PRIMA1: variants seen among roughly 807,000 people sequenced by gnomAD.
PRIMA1 encodes proline rich membrane anchor 1.
PRIMA1 carries 7 observed loss-of-function variants against 17.5 expected under a neutral mutation model. The observed-to-expected ratio is 0.40, with a 90% CI of 0.23 to 0.75. The LOEUF (loss-of-function observed/expected upper bound fraction) is 0.75, where lower values mean the gene tolerates loss of function less well. Ranked by LOEUF, PRIMA1 falls within the 30% of genes least tolerant of loss-of-function variation. PRIMA1 has a pLI of 0.37. For missense variants in PRIMA1, 200 were observed against 201.8 expected, an observed-to-expected ratio of 0.99 and a Z score of 0.05; for synonymous variants, 97 against 77.9, an observed-to-expected ratio of 1.25 and a Z score of -1.29.
In PRIMA1 at chr14:93,718,561, A is replaced by G. The variant is rs1217759615; in HGVS notation, c.*2883T>C. 6.6e-6 allele frequency: 1 copy of G among 152,576 alleles called. No individual in the cohort carries two copies. The highest frequency in any genetic ancestry group is 2.1e-4 in the South Asian group (1 of 4,824). The allele number at this position is 152,576 out of a possible 1,614,324, so 9.5% of individuals were successfully genotyped here. ...GATTTCAGGATATTCACATTCATGC[A>G]TTACGTATCTCACACTACCTGGGCA... On this transcript the variant is annotated 3_prime_UTR_variant, in exon 5 of 5. Transcript: ENST00000393140.
rs1320989285 is a variant in PRIMA1 at position 93,721,315 on chromosome 14, G to A, written c.*129C>T. ...TGGGAAGACAATGGTTTCTCCTTCG[G>A]GAGGCTCAGGGCCTGTGAGGCAATG... On this transcript the variant is annotated 3_prime_UTR_variant, in exon 5 of 5. Coordinates refer to ENST00000393140, the MANE Select transcript of PRIMA1 (RefSeq NM_178013.4). The A allele has an allele frequency of 1.6e-6, 1 of 623,732 alleles. No homozygotes were observed. The highest frequency in any genetic ancestry group is 2.8e-6 in the Non-Finnish European group (1 of 355,898). 38.6% of individuals were successfully genotyped at this position (623,732 alleles called of 1,614,324 possible).
intron 3 of PRIMA1, among the ~76,000 whole-genome samples, chr14:93,767,755 A>AC (rs1164186076): frequency 6.6e-6 from 1 of 150,636 alleles, no homozygotes; most frequent in Non-Finnish European, 1.5e-5. Context: ...GACCCTACAC[A>AC]CCCCCCCTCT....
At chr14:93,744,000 A>G (rs2076200632) in intron 3 of PRIMA1, among the ~76,000 whole-genome samples, 1 of 152,206 alleles carries the variant, frequency 6.6e-6, no homozygotes, top group Admixed American at 6.5e-5. Flanking sequence ...TCTGTCTCAC[A>G]AGGACAGTGT....
intron 4 of PRIMA1, among the ~76,000 whole-genome samples, chr14:93,728,120 T>C (rs2076091129): frequency 6.6e-6 from 1 of 152,114 alleles, no homozygotes; most frequent in South Asian, 2.1e-4. Context: ...ACAGGGCGCC[T>C]CTCTTCACGG....
intron 2 of PRIMA1, among the ~76,000 whole-genome samples, chr14:93,781,116 T>C (rs1885366327): frequency 6.6e-6 from 1 of 152,102 alleles, no homozygotes; most frequent in Admixed American, 6.5e-5. Flanking sequence ...CGGCTTAATA[T>C]CTACCAGGCT....
chr14:93,760,023 C>T (rs1354855821), intron 3 of PRIMA1, among the ~76,000 whole-genome samples: 1 of 152,254 alleles, frequency 6.6e-6, no homozygotes, highest in Non-Finnish European at 1.5e-5. Flanking sequence ...CAGGAAGGCC[C>T]TTGCCACAGG....
chr14:93,737,164 C>T (rs1448579576), intron 4 of PRIMA1, 77 bp downstream of exon 4: 14 of 1,395,746 alleles, frequency 1.0e-5, no homozygotes, highest in South Asian at 5.0e-5. Flanking sequence ...AATAATGATA[C>T]GGGATGTGTG....
chr14:93,735,474 T>C (rs1046151067), intron 4 of PRIMA1, among the ~76,000 whole-genome samples: 3 of 152,002 alleles, frequency 2.0e-5, no homozygotes, highest in African/African-American at 7.2e-5. Flanking sequence ...TGCTTTATGG[T>C]CCAGATCAGA....
chr14:93,787,798 C>G, intron 1 of PRIMA1, 49 bp from the exon 2 acceptor site: 1 of 1,501,252 alleles, frequency 6.7e-7, no homozygotes, highest in Non-Finnish European at 8.9e-7. Flanking sequence ...GCAGGCACTT[C>G]CGCCGCCGCG....
At position 93,721,387 on chromosome 14, in the gene PRIMA1, A is replaced by G; in HGVS notation, c.*57T>C. The G allele has an allele frequency of 8.6e-7, 1 of 1,162,924 alleles. No homozygotes were observed. The highest frequency in any genetic ancestry group is 1.8e-5 in the Admixed American group (1 of 56,734). The allele number at this position is 1,162,924 out of a possible 1,614,324, so 72.0% of individuals were successfully genotyped here. On this transcript the variant is annotated 3_prime_UTR_variant, in exon 5 of 5. Transcript: ENST00000393140. ...TTAGCTCATGTCCACCTGCTTTCCC[A>G]TGTCCACCAGTGCCACCAAGGTGTC...
chr14:93,749,168 C>T (rs1349935042), intron 3 of PRIMA1, among the ~76,000 whole-genome samples: 1 of 152,172 alleles, frequency 6.6e-6, no homozygotes, highest in Non-Finnish European at 1.5e-5. Flanking sequence ...ATCTGCCAGG[C>T]CTTCTGTTCC....
rs939040702 is a variant in PRIMA1, at chr14:93,783,810, C to A, written c.93+3816G>T. On this transcript the variant is annotated intron_variant, in intron 2 of 4. Coordinates refer to ENST00000393140, the MANE Select transcript of PRIMA1 (RefSeq NM_178013.4). The stretch of plus-strand genomic sequence containing the variant: ...AGTCCCCTGGATTTGGTACCTGTAG[C>A]AGAGGTCTGAGGGACACAGTGTTCC... 2.4e-4 allele frequency among the ~76,000 whole-genome samples: 37 copies of A among 152,182 alleles called. 1 individual carries two copies. Among genetic ancestry groups the A allele is most frequent in the Admixed American group, 2.4e-3 (37 of 15,286 alleles).
At chr14:93,744,557 A>G (rs1035638983) in intron 3 of PRIMA1, among the ~76,000 whole-genome samples, 13 of 152,184 alleles carry the variant, frequency 8.5e-5, no homozygotes, top group Non-Finnish European at 1.8e-4. Context: ...TCAGACCTCG[A>G]TGCCTTGGCC....
chr14:93,725,521 C>T (rs368373655), intron 4 of PRIMA1, among the ~76,000 whole-genome samples: 12 of 152,246 alleles, frequency 7.9e-5, no homozygotes, highest in East Asian at 1.9e-4. Context: ...AAGTGCTAAG[C>T]GGCAGATGTC....
Position 93,779,225 on chromosome 14 carries a change from CAG to C in PRIMA1, c.178_179del (p.Leu60AlafsTer26). ...GTGGCGGGGGTGGGGGCGGCGGGGG[CAG>C]CGGGGGAGGGGGCCGGCACTGGCAG... Reference protein sequence around the residue: ...HVCQCRPPPPLPPPPPPPPPP... With the variant: ...HVCQCRPPPPXPPPPPPPPPP... On this transcript the variant is annotated frameshift_variant, in exon 3 of 5. Coordinates refer to ENST00000393140, the MANE Select transcript of PRIMA1 (RefSeq NM_178013.4). LOFTEE classifies it high-confidence loss of function. 7 of 532,614 alleles carry C rather than the reference CAG, an allele frequency of 1.3e-5. No individual in the cohort carries two copies. Among genetic ancestry groups the C allele is most frequent in the Non-Finnish European group, 1.7e-5 (7 of 406,396 alleles). 33.0% of individuals were successfully genotyped at this position (532,614 alleles called of 1,614,324 possible). A position where few individuals can be genotyped will look rare whatever the true frequency, so the allele number is the denominator to read the frequency against.
In PRIMA1 at chr14:93,787,687, C is replaced by G; in HGVS notation, c.32G>C (p.Gly11Ala). ...CAGCAGCAGCGAGGACCAGCAGCAG[C>G]CACGGCGCAGCACCAAGTCCCGGAG... Reference protein sequence around the residue: MLLRDLVLRRGCCWSSLLLHC... With the variant: MLLRDLVLRRACCWSSLLLHC... Residue 11 changes from glycine (G) to alanine (A), a missense_variant, in exon 2 of 5, where the codon GGC (glycine) becomes GCC (alanine). By Grantham distance (60) the Gly-to-Ala change is moderately conservative. Coordinates refer to ENST00000393140, the MANE Select transcript of PRIMA1 (RefSeq NM_178013.4). The G allele has an allele frequency of 6.5e-7, 1 of 1,544,492 alleles. No homozygotes were observed. Among genetic ancestry groups the G allele is most frequent in the Non-Finnish European group, 8.7e-7 (1 of 1,146,758 alleles).
chr14:93,723,656 TC>T (rs1049779639), intron 4 of PRIMA1, among the ~76,000 whole-genome samples: 2 of 152,050 alleles, frequency 1.3e-5, no homozygotes, highest in Non-Finnish European at 2.9e-5. Flanking sequence ...CCACAATTCC[TC>T]CCACAGTGCA....
At chr14:93,724,350 T>TA (rs2066419814) in intron 4 of PRIMA1, among the ~76,000 whole-genome samples, 2 of 152,230 alleles carry the variant, frequency 1.3e-5, no homozygotes, top group Non-Finnish European at 2.9e-5. Flanking sequence ...CGCTAACAGA[T>TA]ACTCTCTGGA....
chr14:93,738,436 G>A (rs1044140927), intron 3 of PRIMA1, among the ~76,000 whole-genome samples: 1 of 152,176 alleles, frequency 6.6e-6, no homozygotes, highest in African/African-American at 2.4e-5. Flanking sequence ...AAAGAGGAAA[G>A]GGGATGATGA....
Sources: allele counts gnomAD v4.1 joint callset (sites outside exome capture counted in the v4.1 genomes callset), GRCh38; gene constraint gnomAD v4.1.1; transcripts MANE v1.5; gene names NCBI Gene and HGNC (gene_info 2026-07-23, HGNC 2026-07-21).